Variants in EFNA5 observed in about 807,000 individuals in gnomAD.
EFNA5 encodes ephrin-A5.
EFNA5 carries 5 observed loss-of-function variants against 22.9 expected under a neutral mutation model. The ratio of observed to expected loss-of-function variants is 0.22; its 90% CI spans 0.11 to 0.46. The LOEUF (loss-of-function observed/expected upper bound fraction) is 0.46. Among genes scored for constraint, EFNA5 ranks in the 20% least tolerant of loss-of-function variants. The pLI, the probability that EFNA5 is intolerant of heterozygous loss-of-function variation, is 0.99. For synonymous variants in EFNA5, 113 were observed against 112.2 expected (o/e 1.01, Z -0.04); for missense variants, 237 against 293.3 (o/e 0.81, Z 1.40).
At chr5:107,532,351 C>T (rs1186751650) in intron 1 of EFNA5, among the ~76,000 whole-genome samples, 1 of 152,340 alleles carries the variant, frequency 6.6e-6, no homozygotes, top group African/African-American at 2.4e-5. Context: ...AGTTAAACAA[C>T]AGCACTGAAA....
At chr5:107,669,296 T>C (rs1011337395) in intron 1 of EFNA5, among the ~76,000 whole-genome samples, 3 of 151,538 alleles carry the variant, frequency 2.0e-5, no homozygotes, top group Non-Finnish European at 2.9e-5. Context: ...GCCTCTCTCT[T>C]CCCAACTTCC....
At chr5:107,566,516 C>T (rs1402727623) in intron 1 of EFNA5, among the ~76,000 whole-genome samples, 2 of 152,178 alleles carry the variant, frequency 1.3e-5, no homozygotes, top group East Asian at 3.8e-4. Flanking sequence ...ACACAAAACA[C>T]AGCCATCATT....
chr5:107,604,943 C>T (rs1473280016), intron 1 of EFNA5, among the ~76,000 whole-genome samples: 2 of 152,158 alleles, frequency 1.3e-5, no homozygotes, highest in African/African-American at 4.8e-5. Context: ...TCCCAATCTA[C>T]AAATGGTTAT....
intron 2 of EFNA5, among the ~76,000 whole-genome samples, chr5:107,415,934 T>C (rs976771652): frequency 2.6e-5 from 4 of 152,216 alleles, no homozygotes; most frequent in Non-Finnish European, 4.4e-5. Flanking sequence ...AGTTGTTCAC[T>C]AGGCTTTGCA....
At chr5:107,526,444 C>T (rs1014576819) in intron 1 of EFNA5, among the ~76,000 whole-genome samples, 1 of 152,208 alleles carries the variant, frequency 6.6e-6, no homozygotes, top group Non-Finnish European at 1.5e-5. Context: ...TCTCTGCTCA[C>T]TCTGACAGGA....
intron 1 of EFNA5, among the ~76,000 whole-genome samples, chr5:107,436,182 GC>G (rs2112430668): frequency 6.6e-6 from 1 of 152,274 alleles, no homozygotes; most frequent in Non-Finnish European, 1.5e-5. Flanking sequence ...CATATAAAAG[GC>G]CCAGGCCCAC....
At chr5:107,659,917 T>A (rs562636617) in intron 1 of EFNA5, among the ~76,000 whole-genome samples, 37 of 151,950 alleles carry the variant, frequency 2.4e-4, no homozygotes, top group Non-Finnish European at 4.9e-4. Flanking sequence ...TTTCTACATT[T>A]TTTTTCCTTC....
chr5:107,541,573 C>T (rs1287416541), intron 1 of EFNA5, among the ~76,000 whole-genome samples: 2 of 152,200 alleles, frequency 1.3e-5, no homozygotes, highest in African/African-American at 4.8e-5. Context: ...GTGTTGGTTA[C>T]AGATTGCACT....
intron 1 of EFNA5, among the ~76,000 whole-genome samples, chr5:107,463,430 T>C (rs1415362229): frequency 3.9e-5 from 6 of 152,154 alleles, no homozygotes; most frequent in Admixed American, 1.3e-4. Context: ...ATCAGAAAGA[T>C]AGCATTAGAA....
At chr5:107,466,218 T>C (rs1749976738) in intron 1 of EFNA5, among the ~76,000 whole-genome samples, 1 of 152,090 alleles carries the variant, frequency 6.6e-6, no homozygotes, top group African/African-American at 2.4e-5. Flanking sequence ...ATACCAAAGT[T>C]CCACTGTGGA....
intron 1 of EFNA5, among the ~76,000 whole-genome samples, chr5:107,433,454 G>A (rs77008318): frequency 0.016 from 2,451 of 152,248 alleles, 53 homozygotes; most frequent in African/African-American, 0.057. Flanking sequence ...ACGTATCTAG[G>A]GCTATTGACA....
At chr5:107,557,998 G>A (rs191370575) in intron 1 of EFNA5, among the ~76,000 whole-genome samples, 1 of 152,264 alleles carries the variant, frequency 6.6e-6, no homozygotes, top group African/African-American at 2.4e-5. Context: ...ATAGGTGGGA[G>A]GATTAAGTAA....
At chr5:107,468,503 T>G (rs1750053581) in intron 1 of EFNA5, among the ~76,000 whole-genome samples, 1 of 152,168 alleles carries the variant, frequency 6.6e-6, no homozygotes, top group South Asian at 2.1e-4. Flanking sequence ...AAACGTCCAT[T>G]CTGAACTGAA....
At chr5:107,402,297 T>C (rs1178172285) in intron 2 of EFNA5, among the ~76,000 whole-genome samples, 1 of 152,196 alleles carries the variant, frequency 6.6e-6, no homozygotes, top group African/African-American at 2.4e-5. Context: ...TGGCAAGATT[T>C]AATTGTGTAT....
intron 1 of EFNA5, among the ~76,000 whole-genome samples, chr5:107,526,398 A>AT (rs1240769353): frequency 2.6e-5 from 4 of 152,196 alleles, no homozygotes; most frequent in African/African-American, 9.7e-5. Flanking sequence ...GCCTGAAAAC[A>AT]TTCTTCCTGA....
At chr5:107,487,435 G>A (rs1172254519) in intron 1 of EFNA5, among the ~76,000 whole-genome samples, 1 of 152,182 alleles carries the variant, frequency 6.6e-6, no homozygotes, top group Non-Finnish European at 1.5e-5. Context: ...AGAGCATCTA[G>A]CACAGTATCT....
chr5:107,453,186 A>G (rs1749604621), intron 1 of EFNA5, among the ~76,000 whole-genome samples: 1 of 152,178 alleles, frequency 6.6e-6, no homozygotes, highest in African/African-American at 2.4e-5. Flanking sequence ...GAGTTCTAAA[A>G]CTGACAGAAT....
chr5:107,460,643 A>C (rs548038897), intron 1 of EFNA5, among the ~76,000 whole-genome samples: 14 of 152,304 alleles, frequency 9.2e-5, no homozygotes, highest in Admixed American at 7.8e-4. Context: ...AGAAAAAAAA[A>C]CCCTGAAAGT....
chr5:107,666,663 T>G, intron 1 of EFNA5, among the ~76,000 whole-genome samples: 1 of 152,134 alleles, frequency 6.6e-6, no homozygotes, highest in East Asian at 1.9e-4. Context: ...CGACTGGTAT[T>G]CCTAAAAGTG....
Sources: allele counts gnomAD v4.1 joint callset (sites outside exome capture counted in the v4.1 genomes callset), GRCh38; gene constraint gnomAD v4.1.1; transcripts MANE v1.5; gene names NCBI Gene and HGNC (gene_info 2026-07-23, HGNC 2026-07-21).